NKAIN2: variants seen among roughly 807,000 people sequenced by gnomAD.
NKAIN2 encodes the protein sodium/potassium-transporting ATPase subunit beta-1-interacting protein 2.
In NKAIN2, 14 loss-of-function variants were observed where a neutral mutation model predicts 32.6. The observed-to-expected ratio is 0.43, with a 90% CI of 0.28 to 0.67. The LOEUF (loss-of-function observed/expected upper bound fraction) is 0.67. NKAIN2 is among the 30% of genes least tolerant of loss of function. The pLI, the probability that NKAIN2 is intolerant of heterozygous loss-of-function variation, is 0.17. For missense variants in NKAIN2, 198 were observed against 258.3 expected (o/e 0.77, Z 1.60); for synonymous variants, 80 against 87.2 (o/e 0.92, Z 0.46).
At chr6:124,409,405 G>T (rs1053274570) in intron 3 of NKAIN2, among the ~76,000 whole-genome samples, 14 of 150,686 alleles carry the variant, frequency 9.3e-5, no homozygotes, top group Admixed American at 2.7e-4. Flanking sequence ...TAGCATGAAG[G>T]GTTGTTGAAT....
At chr6:124,712,302 C>G (rs1583699643) in intron 4 of NKAIN2, among the ~76,000 whole-genome samples, 2 of 122,058 alleles carry the variant, frequency 1.6e-5, no homozygotes, top group Admixed American at 1.6e-4. Context: ...AGAGGTGGAG[C>G]CTACAGAGGC....
At chr6:124,383,394 T>A (rs1772734883) in intron 3 of NKAIN2, among the ~76,000 whole-genome samples, 1 of 152,140 alleles carries the variant, frequency 6.6e-6, no homozygotes, top group African/African-American at 2.4e-5. Context: ...CAGAAACACT[T>A]CAGTGGCTTC....
intron 5 of NKAIN2, among the ~76,000 whole-genome samples, chr6:124,800,290 A>T (rs1186460151): frequency 6.6e-6 from 1 of 152,176 alleles, no homozygotes; most frequent in African/African-American, 2.4e-5. Context: ...GAAACACTAG[A>T]TCTCTAAGGA....
intron 1 of NKAIN2, among the ~76,000 whole-genome samples, chr6:124,276,002 T>A (rs1411741468): frequency 6.6e-6 from 1 of 152,006 alleles, no homozygotes; most frequent in South Asian, 2.1e-4. Context: ...AGTCACATAG[T>A]GGTTAGAATT....
intron 4 of NKAIN2, among the ~76,000 whole-genome samples, chr6:124,776,249 A>G (rs1033272866): frequency 1.3e-5 from 2 of 152,196 alleles, no homozygotes; most frequent in African/African-American, 4.8e-5. Flanking sequence ...ATTTCTACCC[A>G]ACAGTTTAGC....
chr6:124,356,517 A>G (rs921022550), intron 3 of NKAIN2, among the ~76,000 whole-genome samples: 4 of 152,212 alleles, frequency 2.6e-5, no homozygotes, highest in Admixed American at 2.0e-4. Context: ...TATGATCAGA[A>G]TGTGGACAAG....
intron 1 of NKAIN2, among the ~76,000 whole-genome samples, chr6:123,812,276 A>G (rs1773508927): frequency 6.6e-6 from 1 of 152,208 alleles, no homozygotes; most frequent in South Asian, 2.1e-4. Flanking sequence ...TGCAGTCTAC[A>G]AGTTAATATT....
At chr6:123,910,499 G>GTTTTTTTTTTTTGTTT (rs1775118616) in intron 1 of NKAIN2, among the ~76,000 whole-genome samples, 1 of 81,308 alleles carries the variant, frequency 1.2e-5, no homozygotes, top group African/African-American at 5.0e-5. Flanking sequence ...TGCAATGCAT[G>GTTTTTTTTTTTTGTTT]TTTTTTTTTT....
chr6:124,266,536 C>T (rs1461747250), intron 1 of NKAIN2, among the ~76,000 whole-genome samples: 3 of 152,152 alleles, frequency 2.0e-5, no homozygotes, highest in African/African-American at 4.8e-5. Context: ...ACCTCAGCCT[C>T]CCAAAGTGCT....
At chr6:124,383,043 A>AT (rs1319699705) in intron 3 of NKAIN2, among the ~76,000 whole-genome samples, 2 of 152,022 alleles carry the variant, frequency 1.3e-5, no homozygotes, top group Non-Finnish European at 2.9e-5. Context: ...AGCGGTTAGC[A>AT]TTTTTTCTGT....
rs73565693 is a variant in NKAIN2, at chr6:124,287,212, T to G, written c.192+4070T>G. Among the ~76,000 whole-genome samples, 731 of 152,324 alleles carry G rather than the reference T, an allele frequency of 4.8e-3. 6 individuals carry two copies. The highest frequency in any genetic ancestry group is 0.017 in the African/African-American group (704 of 41,576). ...ATACCATTTTGAAAAAGATAAGTCT[T>G]CATTATCCTTATGTCTAATTTTACC... On this transcript the variant is annotated intron_variant, in intron 2 of 6. Coordinates refer to ENST00000368417, the MANE Select transcript of NKAIN2 (RefSeq NM_001040214.3).
chr6:124,364,076 C>T (rs1799410701), intron 3 of NKAIN2, among the ~76,000 whole-genome samples: 1 of 151,356 alleles, frequency 6.6e-6, no homozygotes. Flanking sequence ...TGTAAAGAAT[C>T]AAATGGAAAT....
chr6:124,401,360 T>C (rs1350239148), intron 3 of NKAIN2, among the ~76,000 whole-genome samples: 1 of 152,192 alleles, frequency 6.6e-6, no homozygotes, highest in Non-Finnish European at 1.5e-5. Flanking sequence ...CTGCAAACTA[T>C]GGCTCGCCAT....
At chr6:124,422,321 T>G (rs547097687) in intron 3 of NKAIN2, among the ~76,000 whole-genome samples, 2 of 151,974 alleles carry the variant, frequency 1.3e-5, no homozygotes, top group African/African-American at 4.8e-5. Flanking sequence ...ATTCCCATAC[T>G]TTTAAAGGCC....
chr6:124,284,901 A>G (rs1029936298), intron 2 of NKAIN2, among the ~76,000 whole-genome samples: 17 of 137,846 alleles, frequency 1.2e-4, no homozygotes, highest in African/African-American at 6.0e-4. Flanking sequence ...CTAAGATGCT[A>G]CAATGCAAAA....
At chr6:124,554,767 TTTTG>T (rs1562253502) in intron 3 of NKAIN2, among the ~76,000 whole-genome samples, 6 of 152,190 alleles carry the variant, frequency 3.9e-5, no homozygotes. Flanking sequence ...ACTTTTTCCT[TTTTG>T]TTCTTTCTTC....
intron 3 of NKAIN2, among the ~76,000 whole-genome samples, chr6:124,584,260 T>C (rs1046123379): frequency 6.6e-6 from 1 of 152,184 alleles, no homozygotes; most frequent in Non-Finnish European, 1.5e-5. Flanking sequence ...AAGGAATTGG[T>C]AATCAGAATA....
chr6:124,369,720 C>A (rs1472432288), intron 3 of NKAIN2, among the ~76,000 whole-genome samples: 1 of 151,900 alleles, frequency 6.6e-6, no homozygotes, highest in Non-Finnish European at 1.5e-5. Context: ...CATACCACCC[C>A]AGCCCCTGGT....
intron 3 of NKAIN2, among the ~76,000 whole-genome samples, chr6:124,528,316 C>T (rs567213007): frequency 6.6e-6 from 1 of 152,274 alleles, no homozygotes; most frequent in South Asian, 2.1e-4. Flanking sequence ...CTTTGTTTTG[C>T]CCTAAGGTTC....
Sources: gnomAD v4.1 joint callset for allele counts (sites outside exome capture counted in the v4.1 genomes callset) on GRCh38, gnomAD v4.1.1 for gene constraint, MANE v1.5 for transcripts, NCBI Gene and HGNC (gene_info 2026-07-23, HGNC 2026-07-21) for gene names.